SDK1: variants seen among roughly 807,000 people sequenced by gnomAD.
SDK1 encodes the protein sidekick cell adhesion molecule 1.
SDK1 carries 157 observed loss-of-function variants against 245.5 expected under a neutral mutation model. That is an observed-to-expected ratio of 0.64 (90% CI 0.56 to 0.73). The LOEUF is 0.73. SDK1 is among the 30% of genes least tolerant of loss of function. SDK1 has a pLI of 0.00. For synonymous variants in SDK1, 1,647 were observed against 1,278.5 expected, an observed-to-expected ratio of 1.29 and a Z score of -6.15; for missense variants, 3,583 against 3,002.3, an observed-to-expected ratio of 1.19 and a Z score of -4.52.
intron 1 of SDK1, among the ~76,000 whole-genome samples, chr7:3,347,967 T>A (rs1780553408): frequency 6.6e-6 from 1 of 152,152 alleles, no homozygotes; most frequent in Admixed American, 6.5e-5. Context: ...AGTATTTTGC[T>A]TCCTAAGTAC....
At chr7:3,808,665 T>C (rs978795207) in intron 4 of SDK1, among the ~76,000 whole-genome samples, 3 of 152,178 alleles carry the variant, frequency 2.0e-5, no homozygotes. Flanking sequence ...AGTTTCCACC[T>C]GATGGCTGTT....
chr7:4,248,936 C>G (rs1018421927), intron 44 of SDK1, among the ~76,000 whole-genome samples: 7 of 147,538 alleles, frequency 4.7e-5, no homozygotes, highest in Non-Finnish European at 1.0e-4. Context: ...TATGTACATA[C>G]ATGCACAACA....
chr7:3,561,004 C>A (rs1231288041), intron 1 of SDK1, among the ~76,000 whole-genome samples: 2 of 152,096 alleles, frequency 1.3e-5, no homozygotes, highest in East Asian at 3.9e-4. Context: ...CATTTTTTTT[C>A]TTTTGGCACT....
intron 1 of SDK1, among the ~76,000 whole-genome samples, chr7:3,402,521 G>T (rs1296282187): frequency 6.6e-6 from 1 of 152,172 alleles, no homozygotes; most frequent in Non-Finnish European, 1.5e-5. Context: ...ATGTTATCAA[G>T]CTGTGACAAC....
chr7:3,373,808 A>C (rs1281625328), intron 1 of SDK1, among the ~76,000 whole-genome samples: 1 of 152,218 alleles, frequency 6.6e-6, no homozygotes, highest in Non-Finnish European at 1.5e-5. Context: ...TTCAGTGTAC[A>C]AACTTCAGTA....
At chr7:4,230,486 G>A (rs996014883) in intron 40 of SDK1, among the ~76,000 whole-genome samples, 1 of 147,602 alleles carries the variant, frequency 6.8e-6, no homozygotes. Flanking sequence ...AAGGAAGGAG[G>A]GAGGGAAGGA....
chr7:3,910,321 T>C (rs530161251), intron 5 of SDK1, among the ~76,000 whole-genome samples: 1 of 152,210 alleles, frequency 6.6e-6, no homozygotes, highest in Non-Finnish European at 1.5e-5. Context: ...AAATTGTCTC[T>C]TGTCAGGCAC....
intron 1 of SDK1, among the ~76,000 whole-genome samples, chr7:3,347,155 C>G (rs980555124): frequency 1.3e-5 from 2 of 151,736 alleles, no homozygotes; most frequent in African/African-American, 4.8e-5. Flanking sequence ...CAGACGTTAG[C>G]CGGTTAAGTG....
In SDK1 at chr7:4,038,759, C is replaced by T. The variant is rs545081896; in HGVS notation, c.2603-10589C>T. On this transcript the variant is annotated intron_variant, in intron 17 of 44. Transcript: ENST00000404826. ...TTCAGTCTGACACAGTTGTGGTCCA[C>T]TCATCAATACTCCCACTTCTTATTG... 2.6e-5 allele frequency among the ~76,000 whole-genome samples: 4 copies of T among 152,326 alleles called. No individual in the cohort carries two copies. In the East Asian group the frequency reaches 7.7e-4, roughly 29 times the overall value.
At chr7:3,670,874 C>G (rs1045631428) in intron 4 of SDK1, among the ~76,000 whole-genome samples, 1 of 152,096 alleles carries the variant, frequency 6.6e-6, no homozygotes, top group African/African-American at 2.4e-5. Flanking sequence ...AGATGATCAC[C>G]CTTTTGTGCT....
intron 1 of SDK1, among the ~76,000 whole-genome samples, chr7:3,464,231 A>G (rs1386000122): frequency 6.6e-6 from 1 of 152,192 alleles, no homozygotes; most frequent in Non-Finnish European, 1.5e-5. Flanking sequence ...CTCTGTTGAA[A>G]TAAGGTATTG....
At chr7:3,783,612 T>G (rs1034337079) in intron 4 of SDK1, among the ~76,000 whole-genome samples, 8 of 152,150 alleles carry the variant, frequency 5.3e-5, no homozygotes, top group African/African-American at 1.9e-4. Context: ...ACAATTTCAT[T>G]TACAACAGCT....
chr7:3,600,747 A>G (rs1215167787), intron 1 of SDK1, among the ~76,000 whole-genome samples: 1 of 151,842 alleles, frequency 6.6e-6, no homozygotes, highest in Non-Finnish European at 1.5e-5. Flanking sequence ...ACAGGGTTTC[A>G]CCGTGTTAGC....
chr7:4,100,408 C>T (rs1782455893), intron 22 of SDK1, among the ~76,000 whole-genome samples: 1 of 152,104 alleles, frequency 6.6e-6, no homozygotes, highest in Non-Finnish European at 1.5e-5. Flanking sequence ...AACAAACTGG[C>T]CAGAATGCAG....
chr7:4,211,968 A>G (rs948160372), intron 38 of SDK1, among the ~76,000 whole-genome samples: 1 of 152,164 alleles, frequency 6.6e-6, no homozygotes, highest in African/African-American at 2.4e-5. Flanking sequence ...CCAGACACCA[A>G]TGTGTCCACC....
chr7:4,208,013 C>A (rs1024231413), intron 36 of SDK1, 86 bp from the exon 37 acceptor site: 4 of 990,622 alleles, frequency 4.0e-6, no homozygotes, highest in African/African-American at 1.6e-5. Context: ...TCAGCTCACC[C>A]CCTCGCTTTG....
At chr7:3,457,252 C>G (rs926524211) in intron 1 of SDK1, among the ~76,000 whole-genome samples, 1 of 152,140 alleles carries the variant, frequency 6.6e-6, no homozygotes, top group Admixed American at 6.5e-5. Context: ...GCTTTCTTCC[C>G]TTAGGTGAGG....
intron 4 of SDK1, among the ~76,000 whole-genome samples, chr7:3,645,149 A>T (rs927415330): frequency 2.0e-5 from 3 of 152,184 alleles, no homozygotes; most frequent in African/African-American, 4.8e-5. Flanking sequence ...AATTTCATAA[A>T]TTTTTTAAAC....
At chr7:4,233,859 G>A (rs1052069070) in intron 41 of SDK1, among the ~76,000 whole-genome samples, 2 of 152,144 alleles carry the variant, frequency 1.3e-5, no homozygotes, top group South Asian at 2.1e-4. Context: ...CCCCTTATGG[G>A]CTTTGTGTCC....
Sources: gnomAD v4.1 joint callset for allele counts (sites outside exome capture counted in the v4.1 genomes callset) on GRCh38, gnomAD v4.1.1 for gene constraint, MANE v1.5 for transcripts, NCBI Gene and HGNC (gene_info 2026-07-23, HGNC 2026-07-21) for gene names.